NXPH2: variants seen among roughly 807,000 people sequenced by gnomAD.
NXPH2 encodes the protein neurexophilin-2.
NXPH2 carries 5 observed loss-of-function variants against 19.8 expected under a neutral mutation model. The ratio of observed to expected loss-of-function variants is 0.25; its 90% CI spans 0.13 to 0.53. NXPH2 has a LOEUF of 0.53. Among genes scored for constraint, NXPH2 ranks in the 20% least tolerant of loss-of-function variants. The pLI is 0.96. For missense variants in NXPH2, 289 were observed against 322.8 expected (o/e 0.90, Z 0.80); for synonymous variants, 154 against 127.4 (o/e 1.21, Z -1.41).
At chr2:138,713,885 C>T (rs1681149746) in intron 1 of NXPH2, among the ~76,000 whole-genome samples, 2 of 151,930 alleles carry the variant, frequency 1.3e-5, no homozygotes, top group African/African-American at 4.8e-5. Flanking sequence ...TTTTTATCTG[C>T]TTGCTAGATA....
At chr2:138,688,821 C>T (rs1680702306) in intron 1 of NXPH2, among the ~76,000 whole-genome samples, 1 of 152,126 alleles carries the variant, frequency 6.6e-6, no homozygotes, top group African/African-American at 2.4e-5. Flanking sequence ...GACTTGGTCA[C>T]CACCGCCCCC....
At position 138,711,004 on chromosome 2, in the gene NXPH2, T is replaced by G. The variant is rs188407688; in HGVS notation, c.52-39339A>C. Among the ~76,000 whole-genome samples the G allele has an allele frequency of 1.6e-3, 251 of 152,244 alleles. 1 individual carries two copies. Among genetic ancestry groups the G allele is most frequent in the African/African-American group, 5.9e-3 (246 of 41,534 alleles). ...CATCTTCCTGGAGCCGGATCCCACT[T>G]AAAATGAGGGGAGATGCTCCTTTTG... is the stretch of plus-strand genomic sequence containing the variant. On this transcript the variant is annotated intron_variant, in intron 1 of 1. Transcript: ENST00000272641.
intron 1 of NXPH2, among the ~76,000 whole-genome samples, chr2:138,695,198 A>T (rs1680811964): frequency 6.6e-6 from 1 of 152,196 alleles, no homozygotes; most frequent in Admixed American, 6.6e-5. Flanking sequence ...AAGAATACCA[A>T]GGGAAAAGAA....
intron 1 of NXPH2, among the ~76,000 whole-genome samples, chr2:138,775,144 T>C (rs1682241746): frequency 6.6e-6 from 1 of 152,192 alleles, no homozygotes; most frequent in Non-Finnish European, 1.5e-5. Context: ...ATGATCTGAC[T>C]AGGAAAAAGA....
At chr2:138,707,107 A>AAAAAAACAAAAAAAACAAAAAAAAAAC (rs1558918445) in intron 1 of NXPH2, among the ~76,000 whole-genome samples, 112 of 146,616 alleles carry the variant, frequency 7.6e-4, no homozygotes, top group African/African-American at 2.6e-3. Flanking sequence ...AAAAAAAAAA[A>AAAAAAACAAAAAAAACAAAAAAAAAAC]AAAAAGAGCA....
chr2:138,740,319 C>T (rs1273389063), intron 1 of NXPH2, among the ~76,000 whole-genome samples: 3 of 152,174 alleles, frequency 2.0e-5, no homozygotes, highest in African/African-American at 7.2e-5. Flanking sequence ...CATTTTTCAA[C>T]TTTCTGGCTG....
intron 1 of NXPH2, among the ~76,000 whole-genome samples, chr2:138,745,414 A>G (rs1681709095): frequency 6.7e-6 from 1 of 150,094 alleles, no homozygotes; most frequent in African/African-American, 2.5e-5. Context: ...TAGTGAGTTA[A>G]GCAAGCTAAT....
chr2:138,707,194 T>C (rs1028680055), intron 1 of NXPH2, among the ~76,000 whole-genome samples: 7 of 150,132 alleles, frequency 4.7e-5, no homozygotes, highest in African/African-American at 1.5e-4. Flanking sequence ...CAAACTTCAG[T>C]CAGGGGATTC....
Position 138,780,359 on chromosome 2 carries a change from A to G in NXPH2, c.-118T>C. The G allele has an allele frequency of 2.1e-6, 1 of 479,966 alleles. No individual in the cohort carries two copies. The highest frequency in any genetic ancestry group is 2.9e-6 in the Non-Finnish European group (1 of 341,704). The allele number at this position is 479,966 out of a possible 1,614,324, so 29.7% of individuals were successfully genotyped here. On this transcript the variant is annotated 5_prime_UTR_variant, in exon 1 of 2. Transcript: ENST00000272641. ...ACACAGCGCGGCGCTTCCCTCCCGG[A>G]ATCCGAGCGCTGCGCCGTGCCGCGC...
At chr2:138,674,836 C>T (rs1383644004) in intron 1 of NXPH2, among the ~76,000 whole-genome samples, 3 of 152,202 alleles carry the variant, frequency 2.0e-5, no homozygotes, top group Non-Finnish European at 4.4e-5. Flanking sequence ...AGTCTACTAC[C>T]TATTTTTCAC....
At chr2:138,758,075 G>A (rs1457969062) in intron 1 of NXPH2, among the ~76,000 whole-genome samples, 3 of 152,098 alleles carry the variant, frequency 2.0e-5, no homozygotes, top group Admixed American at 2.0e-4. Context: ...ATAGACTCAT[G>A]TTTTTAGAGA....
intron 1 of NXPH2, among the ~76,000 whole-genome samples, chr2:138,709,115 G>A (rs901705173): frequency 1.3e-5 from 2 of 152,092 alleles, no homozygotes; most frequent in Non-Finnish European, 2.9e-5. Flanking sequence ...CAACGAGGAA[G>A]CTATTTAGGT....
Position 138,780,313 on chromosome 2 carries a change from G to C in NXPH2, c.-72C>G. 1 of 1,267,620 alleles carries C rather than the reference G, an allele frequency of 7.9e-7. No homozygotes were observed. Among genetic ancestry groups the C allele is most frequent in the Admixed American group, 3.7e-5 (1 of 26,820 alleles). The allele number at this position is 1,267,620 out of a possible 1,614,324, so 78.5% of individuals were successfully genotyped here. Reference sequence around the variant, plus strand: ...CTCTCGCGCATCTCCACTTCGCGGGGCAGGACTGAGGACGCCAGGGACACA... The same window carrying C: ...CTCTCGCGCATCTCCACTTCGCGGGCCAGGACTGAGGACGCCAGGGACACA... On this transcript the variant is annotated 5_prime_UTR_variant, in exon 1 of 2. Transcript: ENST00000272641.
intron 1 of NXPH2, among the ~76,000 whole-genome samples, chr2:138,761,371 C>T (rs1263323398): frequency 6.6e-6 from 1 of 152,152 alleles, no homozygotes; most frequent in African/African-American, 2.4e-5. Flanking sequence ...GACCATTTCC[C>T]CGGTCAGGTC....
At chr2:138,729,216 A>C (rs1681407846) in intron 1 of NXPH2, among the ~76,000 whole-genome samples, 1 of 152,132 alleles carries the variant, frequency 6.6e-6, no homozygotes, top group Admixed American at 6.5e-5. Context: ...CACATGTCAT[A>C]GGAGGGACCC....
At chr2:138,766,124 G>A (rs1264859724) in intron 1 of NXPH2, among the ~76,000 whole-genome samples, 1 of 152,218 alleles carries the variant, frequency 6.6e-6, no homozygotes, top group Non-Finnish European at 1.5e-5. Flanking sequence ...TTGTCCAACA[G>A]AGATGTGTGC....
chr2:138,745,364 A>C lies in NXPH2; in HGVS notation c.51+34827T>G, dbSNP rs72973267. Among the ~76,000 whole-genome samples, 419 of 152,244 alleles carry C rather than the reference A, an allele frequency of 2.8e-3. 2 individuals carry two copies. Among genetic ancestry groups the C allele is most frequent in the African/African-American group, 9.2e-3 (382 of 41,522 alleles). On this transcript the variant is annotated intron_variant, in intron 1 of 1. Coordinates refer to ENST00000272641, the MANE Select transcript of NXPH2 (RefSeq NM_007226.3). The stretch of plus-strand genomic sequence containing the variant: ...AACTTGCCTACCTTCTCTCAAAGAC[A>C]TACATGGATATGGAATAGAATCTTT...
Position 138,671,603 on chromosome 2 carries a change from A to G in NXPH2, c.114T>C (p.Asp38=). Residue 38 remains aspartate (D), a synonymous_variant, in exon 2 of 2, where the codon GAT becomes GAC. Coordinates refer to ENST00000272641, the MANE Select transcript of NXPH2 (RefSeq NM_007226.3). ...CGTTGCCGACCAACGTCCCTGGAGCATCTTTGTCTTCCCAATCCAGCCCCT... is the reference window on the plus strand; with the variant it reads ...CGTTGCCGACCAACGTCCCTGGAGCGTCTTTGTCTTCCCAATCCAGCCCCT... ...ATEGLDWEDK[D]APGTLVGNVV... is the part of the protein sequence containing the mutation. 1 of 1,609,798 alleles carries G rather than the reference A, an allele frequency of 6.2e-7. No homozygotes were observed. Among genetic ancestry groups the G allele is most frequent in the Non-Finnish European group, 8.5e-7 (1 of 1,178,100 alleles).
chr2:138,679,115 C>G (rs1020347063), intron 1 of NXPH2, among the ~76,000 whole-genome samples: 4 of 152,114 alleles, frequency 2.6e-5, no homozygotes, highest in African/African-American at 4.8e-5. Flanking sequence ...AATCCTGAAC[C>G]GCAAAGGGAA....
Sources: gnomAD v4.1 joint callset for allele counts (sites outside exome capture counted in the v4.1 genomes callset) on GRCh38, gnomAD v4.1.1 for gene constraint, MANE v1.5 for transcripts, NCBI Gene and HGNC (gene_info 2026-07-23, HGNC 2026-07-21) for gene names.